CEBPZ: variants seen among roughly 807,000 people sequenced by gnomAD.
The protein encoded by CEBPZ is CCAAT/enhancer-binding protein zeta.
A neutral mutation model predicts 104.5 loss-of-function variants in CEBPZ; 78 were observed. That is an observed-to-expected ratio of 0.75 (90% CI 0.62 to 0.90). CEBPZ has a LOEUF of 0.90. Ranked by LOEUF, CEBPZ falls within the 40% of genes least tolerant of loss-of-function variation. CEBPZ has a pLI of 0.00. For synonymous variants in CEBPZ, 470 were observed against 427.0 expected (o/e 1.10, Z -1.24); for missense variants, 1,439 against 1,233.5 (o/e 1.17, Z -2.50).
At chr2:37,230,313 G>A (rs1665022886) in intron 1 of CEBPZ, among the ~76,000 whole-genome samples, 1 of 152,158 alleles carries the variant, frequency 6.6e-6, no homozygotes. Context: ...GTATGTATAT[G>A]CTTGAAAAGG....
At position 37,227,845 on chromosome 2, in the gene CEBPZ, G is replaced by C. The variant is rs1392859844; in HGVS notation, c.1348C>G (p.Leu450Val). ...GCCAATTCACTTTCTTCATGGGACA[G>C]AGCCATTTGATTTAAAAAGCAAATT... ...YAICFLNQMA[L>V]SHEESELANK... Residue 450 changes from leucine to valine, a missense_variant, in exon 2 of 16, where the codon CTG (leucine) becomes GTG (valine). By Grantham distance (32) the Leu-to-Val change is conservative. Coordinates refer to ENST00000234170, the MANE Select transcript of CEBPZ (RefSeq NM_005760.3). 1 of 1,614,072 alleles carries C rather than the reference G, an allele frequency of 6.2e-7. No homozygotes were observed. The highest frequency in any genetic ancestry group is 1.3e-5 in the African/African-American group (1 of 75,058).
At chr2:37,208,284 CTAAATCA>C (rs1677605642) in intron 13 of CEBPZ, among the ~76,000 whole-genome samples, 1 of 152,104 alleles carries the variant, frequency 6.6e-6, no homozygotes, top group Non-Finnish European at 1.5e-5. Flanking sequence ...GGAATCCTCC[CTAAATCA>C]TTCAATGAAG....
Position 37,227,799 on chromosome 2 carries a change from T to A in CEBPZ, c.1394A>T (p.Tyr465Phe). The change falls in exon 2 of 16, where the codon TAC becomes TTC. Residue 465 changes from tyrosine (Y) to phenylalanine (F), a missense_variant. Coordinates refer to ENST00000234170, the MANE Select transcript of CEBPZ (RefSeq NM_005760.3). ...GACACAAGTCCGAAAAAAGCAAAAG[T>A]AAACAGTTATTAATTTGTTAGCCAA... ...SELANKLITV[Y>F]FCFFRTCVKK... 6.2e-7 allele frequency: 1 copy of A among 1,614,024 alleles called. No individual in the cohort carries two copies. Among genetic ancestry groups the A allele is most frequent in the East Asian group, 2.2e-5 (1 of 44,878 alleles).
chr2:37,216,263 G>C, intron 7 of CEBPZ, 53 bp downstream of exon 7: 2 of 1,599,034 alleles, frequency 1.3e-6, no homozygotes, highest in South Asian at 1.1e-5. Context: ...AGCTCATATT[G>C]TTTATTATGT....
intron 1 of CEBPZ, 71 bp from the exon 2 acceptor site, chr2:37,229,107 C>A: frequency 8.0e-7 from 1 of 1,251,686 alleles, no homozygotes; most frequent in Non-Finnish European, 1.1e-6. Flanking sequence ...ATAGGAAACA[C>A]AACATAATTT....
At chr2:37,223,007 TA>T (rs1455442256) in intron 3 of CEBPZ, among the ~76,000 whole-genome samples, 162 bp downstream of exon 3, 3 of 152,192 alleles carry the variant, frequency 2.0e-5, no homozygotes, top group African/African-American at 7.2e-5. Flanking sequence ...GCCCACCTAG[TA>T]AACTGTACAG....
intron 5 of CEBPZ, among the ~76,000 whole-genome samples, chr2:37,217,833 C>T (rs978434940): frequency 4.1e-5 from 6 of 145,938 alleles, no homozygotes; most frequent in African/African-American, 1.3e-4. Context: ...ACCTGGGAGG[C>T]GGAACTTGGA....
At chr2:37,224,153 A>C (rs1348747223) in intron 2 of CEBPZ, among the ~76,000 whole-genome samples, 6 of 152,204 alleles carry the variant, frequency 3.9e-5, no homozygotes. Context: ...CCTGGCAGTT[A>C]ATACCTTTAC....
intron 13 of CEBPZ, chr2:37,210,085 A>T (rs923400647): frequency 1.7e-4 from 26 of 152,168 alleles, no homozygotes; most frequent in African/African-American, 6.0e-4. Flanking sequence ...ATACCACCTT[A>T]CTCCTGCAAG....
rs756220214 is a variant in CEBPZ at position 37,223,375 on chromosome 2, G to A, written c.1676C>T (p.Thr559Met). 7 of 1,613,950 alleles carry A rather than the reference G, an allele frequency of 4.3e-6. No homozygotes were observed. Among genetic ancestry groups the A allele is most frequent in the Middle Eastern group, 1.6e-4 (1 of 6,084 alleles). Residue 559 changes from threonine to methionine, a missense_variant, in exon 3 of 16, where the codon ACG (threonine) becomes ATG (methionine). Transcript: ENST00000234170. ...YRKMLDPGLMTCSKQAMFLNL... is the reference protein window; with the variant it reads ...YRKMLDPGLMMCSKQAMFLNL... ...AAGAAACATAGCTTGCTTGGAACAC[G>A]TCATCAACCCTGGATCCAACATCTT...
chr2:37,203,750 G>C (rs1252939653), intron 13 of CEBPZ: 2 of 152,160 alleles, frequency 1.3e-5, no homozygotes, highest in African/African-American at 4.8e-5. Flanking sequence ...GATCTATCTT[G>C]TTTCTATGAC....
rs1164059683 is a variant in CEBPZ at position 37,213,883 on chromosome 2, T to A, written c.2526A>T (p.Glu842Asp). 1.9e-6 allele frequency: 3 copies of A among 1,607,962 alleles called. No individual in the cohort carries two copies. The highest frequency in any genetic ancestry group is 2.7e-5 in the African/African-American group (2 of 74,562). ...DEESIEDVDDEEFEELIDTFE... is the reference protein window; with the variant it reads ...DEESIEDVDDDEFEELIDTFE... ...AATTACCAATCAGCTCTTCAAATTC[T>A]TCATCATCCACGTCTTCTATACTTT... Residue 842 changes from glutamate (E) to aspartate (D), a missense_variant, in exon 10 of 16, where the codon GAA (glutamate) becomes GAT (aspartate). Coordinates refer to ENST00000234170, the MANE Select transcript of CEBPZ (RefSeq NM_005760.3).
At chr2:37,226,831 T>C (rs1664897289) in intron 2 of CEBPZ, among the ~76,000 whole-genome samples, 1 of 152,162 alleles carries the variant, frequency 6.6e-6, no homozygotes, top group Non-Finnish European at 1.5e-5. Context: ...TCCAAACTGT[T>C]TACACATTGC....
At position 37,227,610 on chromosome 2, in the gene CEBPZ, A is replaced by G; in HGVS notation, c.1583T>C (p.Met528Thr). Residue 528 changes from methionine to threonine, a missense_variant, in exon 2 of 16, where the codon ATG becomes ACG. Transcript: ENST00000234170. ...VNFNTSVQAL[M>T]LLFQVMNSQQ... Reference sequence around the variant, plus strand: ...AGAATTCATTACTTGGAAAAGCAACATTAAAGCCTGGACACTGGTATTAAA... The same window carrying G: ...AGAATTCATTACTTGGAAAAGCAACGTTAAAGCCTGGACACTGGTATTAAA... 1 of 1,614,112 alleles carries G rather than the reference A, an allele frequency of 6.2e-7. No individual in the cohort carries two copies. The highest frequency in any genetic ancestry group is 1.1e-5 in the South Asian group (1 of 91,050).
intron 10 of CEBPZ, chr2:37,212,658 C>G (rs891053263): frequency 8.5e-6 from 4 of 472,204 alleles, no homozygotes; most frequent in Non-Finnish European, 1.1e-5. Flanking sequence ...GGATAAATAT[C>G]AAATAAAATG....
chr2:37,229,364 C>G (rs1478889707), intron 1 of CEBPZ, among the ~76,000 whole-genome samples: 14 of 152,036 alleles, frequency 9.2e-5, no homozygotes, highest in Admixed American at 3.3e-4. Flanking sequence ...CAGTAAGTGA[C>G]AACCCAAAAG....
chr2:37,220,175 G>T (rs1469438239), intron 5 of CEBPZ, among the ~76,000 whole-genome samples: 1 of 151,848 alleles, frequency 6.6e-6, no homozygotes, highest in African/African-American at 2.4e-5. Flanking sequence ...AAATTAGCTG[G>T]GCGTGGTGGT....
chr2:37,211,731 T>G, intron 12 of CEBPZ, 112 bp downstream of exon 12: 5 of 717,324 alleles, frequency 7.0e-6, no homozygotes, highest in Non-Finnish European at 1.1e-5. Context: ...CTGGCTGACA[T>G]GAGTATTAAT....
chr2:37,211,188 C>G, intron 12 of CEBPZ, 106 bp from the exon 13 acceptor site: 1 of 648,618 alleles, frequency 1.5e-6, no homozygotes, highest in Admixed American at 3.1e-5. Context: ...AGGCACTATA[C>G]TGCTATTCCA....
Sources: gnomAD v4.1 joint callset for allele counts (sites outside exome capture counted in the v4.1 genomes callset) on GRCh38, gnomAD v4.1.1 for gene constraint, MANE v1.5 for transcripts, NCBI Gene and HGNC (gene_info 2026-07-23, HGNC 2026-07-21) for gene names.